DCUN1D3: variants seen among roughly 807,000 people sequenced by gnomAD.
DCUN1D3 encodes the protein defective in cullin neddylation 1 domain containing 3, also known as DCN1-like protein 3.
A neutral mutation model predicts 24.8 loss-of-function variants in DCUN1D3; 6 were observed. That is an observed-to-expected ratio of 0.24 (90% confidence interval 0.13 to 0.48). DCUN1D3 has a LOEUF of 0.48. DCUN1D3 is among the 20% of genes least tolerant of loss of function. DCUN1D3 has a pLI of 0.99. For synonymous variants in DCUN1D3, 120 were observed against 144.9 expected, an observed-to-expected ratio of 0.83 and a Z score of 1.24; for missense variants, 258 against 379.4, an observed-to-expected ratio of 0.68 and a Z score of 2.66.
intron 1 of DCUN1D3, among the ~76,000 whole-genome samples, chr16:20,880,190 CCAAG>C (rs1166083199): frequency 6.6e-6 from 1 of 152,022 alleles, no homozygotes; most frequent in Admixed American, 6.6e-5. Context: ...TTCATGGCTC[CCAAG>C]CAAATAGTCA....
chr16:20,895,558 G>C (rs1343520584), intron 1 of DCUN1D3, among the ~76,000 whole-genome samples: 4 of 152,110 alleles, frequency 2.6e-5, no homozygotes, highest in Non-Finnish European at 5.9e-5. Flanking sequence ...TGTGAATTTG[G>C]TAACTAAGGG....
At chr16:20,863,157 A>T (rs940728254) in intron 1 of DCUN1D3, among the ~76,000 whole-genome samples, 3 of 152,222 alleles carry the variant, frequency 2.0e-5, no homozygotes, top group Admixed American at 6.5e-5. Flanking sequence ...GACTACAAGC[A>T]GGGGCCTAAG....
At chr16:20,864,816 AAG>A (rs2081753082) in intron 1 of DCUN1D3, among the ~76,000 whole-genome samples, 2 of 152,178 alleles carry the variant, frequency 1.3e-5, no homozygotes, top group African/African-American at 4.8e-5. Flanking sequence ...AGCCATAAAA[AAG>A]AACGAGATCA....
At position 20,859,793 on chromosome 16, in the gene DCUN1D3, T is replaced by C. The variant is rs1263078741; in HGVS notation, c.*93A>G. The C allele has an allele frequency of 6.8e-7, 1 of 1,470,238 alleles. No individual in the cohort carries two copies. Among genetic ancestry groups the C allele is most frequent in the Non-Finnish European group, 9.1e-7 (1 of 1,101,822 alleles). The allele number at this position is 1,470,238 out of a possible 1,614,324, so 91.1% of individuals were successfully genotyped here. On this transcript the variant is annotated 3_prime_UTR_variant, in exon 3 of 3. Coordinates refer to ENST00000324344, the MANE Select transcript of DCUN1D3 (RefSeq NM_173475.4). ...AGAGAAAGGTGTAAAGTAGAAAATA[T>C]CCGGATCTTCAGTAATTTCCAAAAT... is the stretch of plus-strand genomic sequence containing the variant.
At chr16:20,866,213 T>C (rs191940583) in intron 1 of DCUN1D3, among the ~76,000 whole-genome samples, 14 of 152,288 alleles carry the variant, frequency 9.2e-5, no homozygotes, top group Non-Finnish European at 1.5e-4. Context: ...GACTGTACCA[T>C]GTGGAGGGCC....
rs2081722732 is a variant in DCUN1D3, at chr16:20,859,883, C to A, written c.*3G>T. 1.9e-6 allele frequency: 3 copies of A among 1,599,156 alleles called. No homozygotes were observed. The highest frequency in any genetic ancestry group is 2.6e-6 in the Non-Finnish European group (3 of 1,170,534). ...CCTTGCTGCTGCTCCTGGGACAGAGCCACTAAGTCTGCTCCTCGGGACACA... is the reference window on the plus strand; with the variant it reads ...CCTTGCTGCTGCTCCTGGGACAGAGACACTAAGTCTGCTCCTCGGGACACA... On this transcript the variant is annotated 3_prime_UTR_variant, in exon 3 of 3. Transcript: ENST00000324344.
rs1252902317 is a variant in DCUN1D3, at chr16:20,855,948, C to T, written c.*3938G>A. ...AGATGTTCAAGTCCCCCAAGGAAGA[C>T]CTTTGTCAGTTACCAAGATGCTCAA... On this transcript the variant is annotated 3_prime_UTR_variant, in exon 3 of 3. Transcript: ENST00000324344. The T allele has an allele frequency of 6.6e-6, 1 of 152,188 alleles. No homozygotes were observed. Among genetic ancestry groups the T allele is most frequent in the Non-Finnish European group, 1.5e-5 (1 of 68,034 alleles). The allele number at this position is 152,188 out of a possible 1,614,324, so 9.4% of individuals were successfully genotyped here.
chr16:20,889,458 T>A (rs1330687324), intron 1 of DCUN1D3, among the ~76,000 whole-genome samples: 2 of 152,156 alleles, frequency 1.3e-5, no homozygotes, highest in African/African-American at 4.8e-5. Context: ...CTAGACCTAA[T>A]GCACCTTTGA....
intron 1 of DCUN1D3, among the ~76,000 whole-genome samples, chr16:20,876,523 C>G (rs2081816480): frequency 6.6e-6 from 1 of 151,174 alleles, no homozygotes; most frequent in South Asian, 2.1e-4. Flanking sequence ...ATGAGTATAG[C>G]CACTATGGAA....
chr16:20,884,193 A>T (rs964427785), intron 1 of DCUN1D3, among the ~76,000 whole-genome samples: 4 of 152,192 alleles, frequency 2.6e-5, no homozygotes, highest in Non-Finnish European at 5.9e-5. Context: ...TTATACGACC[A>T]TGGAGATAAT....
chr16:20,892,258 T>C (rs978328236), intron 1 of DCUN1D3, among the ~76,000 whole-genome samples: 3 of 152,186 alleles, frequency 2.0e-5, no homozygotes, highest in Admixed American at 6.5e-5. Context: ...TTCTCAAAAG[T>C]AGACACACAG....
chr16:20,864,618 G>A (rs189274638), intron 1 of DCUN1D3, among the ~76,000 whole-genome samples: 2 of 152,190 alleles, frequency 1.3e-5, no homozygotes, highest in South Asian at 2.1e-4. Context: ...AACTACATTC[G>A]AACTAGCAAT....
chr16:20,897,961 G>C (rs983370033), intron 1 of DCUN1D3, among the ~76,000 whole-genome samples: 1 of 152,090 alleles, frequency 6.6e-6, no homozygotes, highest in African/African-American at 2.4e-5. Context: ...TACTCCTTCT[G>C]GCAATTTGTT....
chr16:20,861,253 G>C (rs1211263077), intron 2 of DCUN1D3, among the ~76,000 whole-genome samples: 1 of 152,116 alleles, frequency 6.6e-6, no homozygotes, highest in Non-Finnish European at 1.5e-5. Context: ...GGAGAGAGGC[G>C]TATCCCCTCC....
In DCUN1D3 at chr16:20,881,677, G is replaced by A. The variant is rs550993106; in HGVS notation, c.-106+18527C>T. ...GTTCCTATGGCTATCCCTATTTTAC[G>A]GATGAGGAAATAAGCTCAGAACTAA... On this transcript the variant is annotated intron_variant, in intron 1 of 2. Transcript: ENST00000324344. Among the ~76,000 whole-genome samples, 86 of 152,060 alleles carry A rather than the reference G, an allele frequency of 5.7e-4. 1 individual carries two copies. The highest frequency in any genetic ancestry group is 1.6e-3 in the Admixed American group (24 of 15,266).
intron 1 of DCUN1D3, among the ~76,000 whole-genome samples, chr16:20,890,561 T>C (rs2081887976): frequency 6.6e-6 from 1 of 152,018 alleles, no homozygotes; most frequent in South Asian, 2.1e-4. Flanking sequence ...CCCCAGAGTT[T>C]GAAATGACAG....
At chr16:20,872,267 A>T (rs2081792094) in intron 1 of DCUN1D3, among the ~76,000 whole-genome samples, 1 of 152,222 alleles carries the variant, frequency 6.6e-6, no homozygotes, top group African/African-American at 2.4e-5. Context: ...GCATCTAAGT[A>T]AAAGGCAAGA....
At chr16:20,863,295 T>C (rs999631507) in intron 1 of DCUN1D3, among the ~76,000 whole-genome samples, 2 of 152,174 alleles carry the variant, frequency 1.3e-5, no homozygotes, top group African/African-American at 2.4e-5. Flanking sequence ...ACCAAGCCTA[T>C]ACTCCAAACC....
Position 20,879,692 on chromosome 16 carries a change from A to T in DCUN1D3, c.-105-17049T>A, listed in dbSNP as rs1265688114. Among the ~76,000 whole-genome samples the T allele has an allele frequency of 2.6e-5, 4 of 152,234 alleles. No individual in the cohort carries two copies. The East Asian group carries it at 7.7e-4, about 29-fold the overall frequency. ...ATGAGAACAACAAAAATTAATCTTC[A>T]GGCATAGATGGATACTGTCATGATA... On this transcript the variant is annotated intron_variant, in intron 1 of 2. Transcript: ENST00000324344.
Sources: allele counts gnomAD v4.1 joint callset (sites outside exome capture counted in the v4.1 genomes callset), GRCh38; gene constraint gnomAD v4.1.1; transcripts MANE v1.5; gene names NCBI Gene and HGNC (gene_info 2026-07-23, HGNC 2026-07-21).